Variants in ADAM2 observed in about 807,000 individuals in gnomAD.
ADAM2 encodes the protein disintegrin and metalloproteinase domain-containing protein 2.
In ADAM2, 101 loss-of-function variants were observed where a neutral mutation model predicts 99.3. The observed-to-expected ratio is 1.02, with a 90% confidence interval of 0.87 to 1.20. The LOEUF is 1.20. Ranked by LOEUF, ADAM2 falls within the 50% of genes most tolerant of loss-of-function variation. The pLI is 0.00. For missense variants in ADAM2, 948 were observed against 878.7 expected (o/e 1.08, Z -1.00); for synonymous variants, 323 against 287.6 (o/e 1.12, Z -1.25).
At chr8:39,808,847 C>A (rs145297149) in intron 7 of ADAM2, among the ~76,000 whole-genome samples, 1,979 of 152,134 alleles carry the variant, frequency 0.013, 23 homozygotes, top group Non-Finnish European at 0.019. Context: ...ACCCATGAAG[C>A]GGAGTTTGCA....
At chr8:39,809,224 T>A (rs1357509798) in intron 7 of ADAM2, among the ~76,000 whole-genome samples, 186 bp downstream of exon 7, 1 of 152,198 alleles carries the variant, frequency 6.6e-6, no homozygotes, top group East Asian at 1.9e-4. Flanking sequence ...ATGTTGCTAT[T>A]TATAAAATTA....
At chr8:39,769,340 T>A in intron 12 of ADAM2, 52 bp downstream of exon 12, 1 of 1,397,698 alleles carries the variant, frequency 7.2e-7, no homozygotes, top group Non-Finnish European at 9.9e-7. Context: ...CTCGAATTAA[T>A]AAGTAATTTT....
intron 7 of ADAM2, among the ~76,000 whole-genome samples, chr8:39,793,164 T>G (rs1253644869): frequency 6.6e-6 from 1 of 152,150 alleles, no homozygotes; most frequent in Non-Finnish European, 1.5e-5. Context: ...GTTGTCTTAA[T>G]GGACTTTTAC....
chr8:39,781,801 C>T (rs566635883), intron 10 of ADAM2, among the ~76,000 whole-genome samples: 2 of 152,244 alleles, frequency 1.3e-5, no homozygotes, highest in Admixed American at 1.3e-4. Context: ...GTAGGGTTTA[C>T]ACTACCATTT....
intron 12 of ADAM2, 65 bp from the exon 13 acceptor site, chr8:39,767,316 C>A: frequency 3.0e-6 from 4 of 1,346,970 alleles, no homozygotes; most frequent in South Asian, 1.2e-5. Context: ...CAGGCATGTT[C>A]ATAAAGACAA....
intron 18 of ADAM2, among the ~76,000 whole-genome samples, chr8:39,749,032 A>G (rs1823591100): frequency 6.6e-6 from 1 of 152,156 alleles, no homozygotes; most frequent in South Asian, 2.1e-4. Context: ...CATCTATGCA[A>G]TTACCGGATG....
chr8:39,790,975 A>C (rs1257827661), intron 7 of ADAM2, among the ~76,000 whole-genome samples: 1 of 151,938 alleles, frequency 6.6e-6, no homozygotes, highest in Admixed American at 6.6e-5. Flanking sequence ...AGTGCTCCCC[A>C]CTTGAAAATC....
At chr8:39,825,867 G>C (rs141833866) in intron 3 of ADAM2, among the ~76,000 whole-genome samples, 127 of 152,214 alleles carry the variant, frequency 8.3e-4, no homozygotes, top group Non-Finnish European at 1.5e-3. Context: ...TAAGAATATA[G>C]TTAAGTTGTT....
intron 7 of ADAM2, among the ~76,000 whole-genome samples, chr8:39,801,795 G>A (rs1050294852): frequency 2.6e-5 from 4 of 152,126 alleles, no homozygotes; most frequent in Non-Finnish European, 4.4e-5. Context: ...CACGCTGGCC[G>A]CATACTGCCA....
intron 18 of ADAM2, among the ~76,000 whole-genome samples, chr8:39,747,094 C>A (rs1823500942): frequency 6.6e-6 from 1 of 152,092 alleles, no homozygotes; most frequent in Admixed American, 6.6e-5. Context: ...TTGGTGGTGA[C>A]CTAAAAAATC....
chr8:39,772,487 G>A (rs1194750908), intron 11 of ADAM2, among the ~76,000 whole-genome samples: 1 of 151,938 alleles, frequency 6.6e-6, no homozygotes, highest in East Asian at 1.9e-4. Context: ...GATTATTTTG[G>A]GAATGGAAGC....
intron 7 of ADAM2, among the ~76,000 whole-genome samples, chr8:39,805,042 T>C (rs1804380303): frequency 6.6e-6 from 1 of 152,202 alleles, no homozygotes; most frequent in African/African-American, 2.4e-5. Flanking sequence ...ATCAAGACAC[T>C]GGTAGATTTG....
At chr8:39,755,665 C>T in intron 16 of ADAM2, 63 bp downstream of exon 16, 1 of 1,243,572 alleles carries the variant, frequency 8.0e-7, no homozygotes, top group Non-Finnish European at 1.2e-6. Context: ...GAGTGACACT[C>T]ATCTCAAAAA....
chr8:39,813,983 A>G (rs1804813788), intron 6 of ADAM2, among the ~76,000 whole-genome samples: 1 of 151,834 alleles, frequency 6.6e-6, no homozygotes, highest in South Asian at 2.1e-4. Context: ...GGGCAGAAAA[A>G]AAAAAGAAAA....
chr8:39,782,906 G>C (rs1803292675), intron 10 of ADAM2, among the ~76,000 whole-genome samples: 1 of 151,810 alleles, frequency 6.6e-6, no homozygotes, highest in East Asian at 1.9e-4. Context: ...CTACTTTATA[G>C]CGTCTCTTAG....
At chr8:39,809,818 C>T (rs1804617882) in intron 6 of ADAM2, among the ~76,000 whole-genome samples, 6 of 152,182 alleles carry the variant, frequency 3.9e-5, no homozygotes, top group Admixed American at 3.3e-4. Context: ...GTACCAGCCA[C>T]TGCAAAAACA....
intron 2 of ADAM2, among the ~76,000 whole-genome samples, chr8:39,834,355 C>T (rs1805733317): frequency 6.6e-6 from 1 of 152,024 alleles, no homozygotes; most frequent in African/African-American, 2.4e-5. Flanking sequence ...TATTTGACTT[C>T]CTTCTGATTT....
intron 6 of ADAM2, among the ~76,000 whole-genome samples, chr8:39,817,393 T>A (rs1804996798): frequency 1.3e-5 from 2 of 152,100 alleles, no homozygotes; most frequent in South Asian, 4.1e-4. Flanking sequence ...TACAGCTAGA[T>A]AGAAGGAGTA....
intron 4 of ADAM2, among the ~76,000 whole-genome samples, 181 bp downstream of exon 4, chr8:39,824,638 G>A (rs1805327095): frequency 6.6e-6 from 1 of 152,086 alleles, no homozygotes; most frequent in Non-Finnish European, 1.5e-5. Context: ...TGTCTTTTTA[G>A]TTAATCATCT....
Sources: gnomAD v4.1 joint callset for allele counts (sites outside exome capture counted in the v4.1 genomes callset) on GRCh38, gnomAD v4.1.1 for gene constraint, MANE v1.5 for transcripts, NCBI Gene and HGNC (gene_info 2026-07-23, HGNC 2026-07-21) for gene names.